The following CAST variants were observed in gnomAD, a reference collection of about 807,000 sequenced individuals.
CAST encodes calpastatin, also known as MIR583 host.
Under a neutral mutation model 119.6 loss-of-function variants are expected in CAST, and 76 were observed. The ratio of observed to expected loss-of-function variants is 0.64; its 90% CI spans 0.53 to 0.77. The LOEUF (loss-of-function observed/expected upper bound fraction) is 0.77, where lower values mean the gene tolerates loss of function less well. Among genes scored for constraint, CAST ranks in the 30% least tolerant of loss-of-function variants. CAST has a pLI of 0.00. For synonymous variants in CAST, 319 were observed against 331.6 expected (o/e 0.96, Z 0.41); for missense variants, 953 against 946.5 (o/e 1.01, Z -0.09).
At chr5:96,003,721 T>G in the CAST span, among the ~76,000 whole-genome samples, 11 of 152,090 alleles carry the variant, frequency 7.2e-5, no homozygotes. Flanking sequence ...ATTAAAATAG[T>G]TTTTTCAATG....
chr5:96,590,546 G>A (rs1746944966), intron 1 of CAST, among the ~76,000 whole-genome samples: 1 of 152,196 alleles, frequency 6.6e-6, no homozygotes, highest in Non-Finnish European at 1.5e-5. Flanking sequence ...CAGACACCAT[G>A]TCCTAAATGT....
chr5:96,625,021 C>T (rs1191217584), intron 1 of CAST, among the ~76,000 whole-genome samples: 1 of 152,158 alleles, frequency 6.6e-6, no homozygotes, highest in Non-Finnish European at 1.5e-5. Flanking sequence ...AAGGTTAATT[C>T]CCTGTGATGA....
the CAST span, among the ~76,000 whole-genome samples, chr5:96,193,935 T>C: frequency 1.3e-5 from 2 of 152,202 alleles, no homozygotes; most frequent in African/African-American, 2.4e-5. Context: ...TTGGCATTAA[T>C]GTATTGGATT....
At chr5:96,457,088 A>G in the CAST span, among the ~76,000 whole-genome samples, 1 of 152,170 alleles carries the variant, frequency 6.6e-6, no homozygotes, top group Admixed American at 6.5e-5. Context: ...AGAACAGACT[A>G]ATGCTGGTAG....
the CAST span, among the ~76,000 whole-genome samples, chr5:96,247,004 T>C: frequency 6.6e-6 from 1 of 152,220 alleles, no homozygotes; most frequent in African/African-American, 2.4e-5. Context: ...ATATGGTTTA[T>C]TTTACTGTAT....
chr5:96,538,761 A>C (rs1384278919), intron 1 of CAST, among the ~76,000 whole-genome samples: 1 of 46,562 alleles, frequency 2.1e-5, no homozygotes, highest in Non-Finnish European at 4.8e-5. Context: ...GCTCCCTCAG[A>C]AATGAAATGA....
the CAST span, among the ~76,000 whole-genome samples, chr5:96,497,980 T>C: frequency 0.36 from 55,114 of 152,070 alleles, 10,493 homozygotes; most frequent in East Asian, 0.56. Context: ...TCTTCTAGGG[T>C]TTTTATGATT....
the CAST span, among the ~76,000 whole-genome samples, chr5:96,048,769 A>G: frequency 6.6e-6 from 1 of 152,186 alleles, no homozygotes; most frequent in African/African-American, 2.4e-5. Context: ...GGCTTTGGCC[A>G]TGCAATATTG....
the CAST span, among the ~76,000 whole-genome samples, chr5:96,341,272 A>AT: frequency 3.3e-5 from 5 of 152,126 alleles, no homozygotes; most frequent in Non-Finnish European, 5.9e-5. Context: ...ATCTTAAAAA[A>AT]TGTTACTCTA....
At chr5:96,301,482 T>C in the CAST span, among the ~76,000 whole-genome samples, 1 of 152,016 alleles carries the variant, frequency 6.6e-6, no homozygotes, top group Non-Finnish European at 1.5e-5. Context: ...AACCCAAAAG[T>C]CCAAGTCCAA....
At chr5:96,445,260 G>T in the CAST span, among the ~76,000 whole-genome samples, 1 of 152,166 alleles carries the variant, frequency 6.6e-6, no homozygotes, top group African/African-American at 2.4e-5. Flanking sequence ...GATGAGAGAA[G>T]CTGGGGAAGA....
At chr5:96,731,955 G>A (rs182156151) in intron 9 of CAST, among the ~76,000 whole-genome samples, 4 of 152,324 alleles carry the variant, frequency 2.6e-5, no homozygotes, top group Admixed American at 2.6e-4. Flanking sequence ...TAATGCCGCA[G>A]TAAACATACT....
the CAST span, among the ~76,000 whole-genome samples, chr5:96,217,969 A>G: frequency 1.3e-5 from 2 of 152,192 alleles, no homozygotes; most frequent in African/African-American, 4.8e-5. Flanking sequence ...TATTTCAATG[A>G]AAAGTTCAGA....
chr5:96,291,877 T>TGTGTGTGTGTGTGG, the CAST span, among the ~76,000 whole-genome samples: 1 of 150,856 alleles, frequency 6.6e-6, no homozygotes, highest in Non-Finnish European at 1.5e-5. Flanking sequence ...TGTGTGTGTG[T>TGTGTGTGTGTGTGG]GTGTGTGTGG....
At chr5:96,358,830 G>A in the CAST span, among the ~76,000 whole-genome samples, 1 of 152,194 alleles carries the variant, frequency 6.6e-6, no homozygotes, top group Non-Finnish European at 1.5e-5. Flanking sequence ...GGAGCGTTCT[G>A]TAGATGTCTC....
At chr5:96,660,431 C>G (rs1410842458), upstream of CAST, among the ~76,000 whole-genome samples, 1 of 152,212 alleles carries the variant, frequency 6.6e-6, no homozygotes, top group Non-Finnish European at 1.5e-5. Flanking sequence ...TCTTTTTAAT[C>G]TCTATATCTC....
Position 96,569,173 on chromosome 5 carries a change from C to T in CAST, c.60+39293C>T, listed in dbSNP as rs151291695. Reference sequence around the variant, plus strand: ...TGGAATTCCTCCCTGCTGAAGTAGACATTCAAAAAACATTCGTAATGTCCC... The same window carrying T: ...TGGAATTCCTCCCTGCTGAAGTAGATATTCAAAAAACATTCGTAATGTCCC... On this transcript the variant is annotated intron_variant, in intron 1 of 11. Transcript: ENST00000505143. 5.0e-3 allele frequency among the ~76,000 whole-genome samples: 764 copies of T among 152,322 alleles called. 13 individuals are homozygous for T. Among genetic ancestry groups the T allele is most frequent in the African/African-American group, 0.018 (728 of 41,564 alleles).
At chr5:96,556,389 G>T (rs1018873118) in intron 1 of CAST, among the ~76,000 whole-genome samples, 5 of 152,302 alleles carry the variant, frequency 3.3e-5, no homozygotes, top group African/African-American at 7.2e-5. Context: ...AGAGAAGAAG[G>T]CTTCAGAAGA....
At chr5:96,594,318 A>G (rs1013234683) in intron 1 of CAST, among the ~76,000 whole-genome samples, 1 of 152,250 alleles carries the variant, frequency 6.6e-6, no homozygotes, top group Non-Finnish European at 1.5e-5. Context: ...CTTGCAGTTC[A>G]TTACTCATTA....
Sources: allele counts gnomAD v4.1 joint callset (sites outside exome capture counted in the v4.1 genomes callset), GRCh38; gene constraint gnomAD v4.1.1; transcripts MANE v1.5; gene names NCBI Gene and HGNC (gene_info 2026-07-23, HGNC 2026-07-21).